Variants in SORCS2 observed in about 807,000 individuals in gnomAD.
SORCS2 encodes the protein VPS10 domain-containing receptor SorCS2.
In SORCS2, 100 loss-of-function variants were observed where a neutral mutation model predicts 141.6. That is an observed-to-expected ratio of 0.71 (90% CI 0.60 to 0.83). SORCS2 has a LOEUF of 0.83. SORCS2 is among the 40% of genes least tolerant of loss of function. The probability of loss-of-function intolerance (pLI) is 0.00; values close to 1 mark genes in which losing one functional copy is unlikely to be tolerated. For synonymous variants in SORCS2, 789 were observed against 676.9 expected (o/e 1.17, Z -2.57); for missense variants, 1,646 against 1,560.2 (o/e 1.05, Z -0.93).
chr4:7,554,444 G>C, intron 3 of SORCS2, among the ~76,000 whole-genome samples: 1 of 152,156 alleles, frequency 6.6e-6, no homozygotes, highest in Non-Finnish European at 1.5e-5. Context: ...TCCTCTCTGT[G>C]CTGACACTCA....
chr4:7,300,665 A>G (rs1717374662), intron 1 of SORCS2, among the ~76,000 whole-genome samples: 1 of 152,220 alleles, frequency 6.6e-6, no homozygotes, highest in African/African-American at 2.4e-5. Context: ...AGAACTTGCC[A>G]GTCTGTGAAT....
chr4:7,486,590 G>C (rs1429541222), intron 2 of SORCS2, among the ~76,000 whole-genome samples: 1 of 152,214 alleles, frequency 6.6e-6, no homozygotes, highest in East Asian at 1.9e-4. Context: ...TGCCAGAACA[G>C]ATGACCCCAG....
chr4:7,208,810 C>T (rs909645690), intron 1 of SORCS2, among the ~76,000 whole-genome samples: 4 of 152,228 alleles, frequency 2.6e-5, no homozygotes, highest in South Asian at 2.1e-4. Context: ...GGCCCTGGTC[C>T]GAGTCTTCTG....
intron 17 of SORCS2, among the ~76,000 whole-genome samples, chr4:7,717,166 C>A (rs931182268): frequency 6.6e-6 from 1 of 152,198 alleles, no homozygotes; most frequent in Non-Finnish European, 1.5e-5. Context: ...TCTCTCCAGC[C>A]TCGTGCCACA....
chr4:7,707,453 G>A (rs1725541993), intron 14 of SORCS2, among the ~76,000 whole-genome samples: 1 of 152,246 alleles, frequency 6.6e-6, no homozygotes, highest in South Asian at 2.1e-4. Context: ...CACAAGGACA[G>A]GGAAGAAGTG....
intron 20 of SORCS2, among the ~76,000 whole-genome samples, 189 bp from the exon 21 acceptor site, chr4:7,726,591 A>T (rs562691503): frequency 3.3e-5 from 5 of 152,024 alleles, no homozygotes; most frequent in African/African-American, 4.8e-5. Context: ...AATAAAATAA[A>T]ATAAAGAACC....
At chr4:7,659,170 TAG>T (rs1323414624) in intron 5 of SORCS2, among the ~76,000 whole-genome samples, 1 of 151,208 alleles carries the variant, frequency 6.6e-6, no homozygotes, top group Non-Finnish European at 1.5e-5. Context: ...AAGTGGCAGG[TAG>T]ATGACAGTTC....
chr4:7,484,974 C>CTGCTGCCCA (rs77843028), intron 2 of SORCS2, among the ~76,000 whole-genome samples: 148,450 of 152,244 alleles, frequency 0.98, 72,460 homozygotes, highest in East Asian at 1. Flanking sequence ...CCTGCTGTCC[C>CTGCTGCCCA]GGCCCTCCCC....
intron 1 of SORCS2, among the ~76,000 whole-genome samples, chr4:7,340,438 C>T (rs1232855499): frequency 1.3e-5 from 2 of 152,218 alleles, no homozygotes; most frequent in Non-Finnish European, 2.9e-5. Flanking sequence ...CGTGTCCTGG[C>T]GTTTTGTGGA....
At chr4:7,370,167 C>T (rs1224039649) in intron 1 of SORCS2, among the ~76,000 whole-genome samples, 1 of 152,170 alleles carries the variant, frequency 6.6e-6, no homozygotes, top group African/African-American at 2.4e-5. Context: ...TGGGCTCTTC[C>T]TGGGGGAGAC....
chr4:7,410,796 T>A (rs997911782), intron 2 of SORCS2, among the ~76,000 whole-genome samples: 1 of 151,000 alleles, frequency 6.6e-6, no homozygotes, highest in Non-Finnish European at 1.5e-5. Context: ...TAATTCACTG[T>A]GAATCAATGA....
chr4:7,214,204 T>C (rs914784534), intron 1 of SORCS2, among the ~76,000 whole-genome samples: 12 of 152,172 alleles, frequency 7.9e-5, no homozygotes, highest in African/African-American at 2.9e-4. Context: ...TGCTGAAATT[T>C]AATTGGCAAT....
chr4:7,361,490 C>T (rs1721575038), intron 1 of SORCS2, among the ~76,000 whole-genome samples: 1 of 152,204 alleles, frequency 6.6e-6, no homozygotes, highest in East Asian at 1.9e-4. Flanking sequence ...GAGAGAGGAT[C>T]TGGGCTTCTC....
chr4:7,698,818 T>G (rs1724868859), intron 12 of SORCS2, among the ~76,000 whole-genome samples: 1 of 149,664 alleles, frequency 6.7e-6, no homozygotes, highest in Non-Finnish European at 1.5e-5. Context: ...GGCAGGCCTG[T>G]GCGTGTGGCA....
chr4:7,408,255 C>G (rs767120399), intron 2 of SORCS2, among the ~76,000 whole-genome samples: 9 of 152,032 alleles, frequency 5.9e-5, no homozygotes, highest in Non-Finnish European at 1.0e-4. Context: ...TGGAAAAACT[C>G]CCTTTAACCT....
intron 2 of SORCS2, among the ~76,000 whole-genome samples, chr4:7,401,207 A>G (rs1006115356): frequency 6.6e-6 from 1 of 151,934 alleles, no homozygotes; most frequent in African/African-American, 2.4e-5. Context: ...GGATATATGG[A>G]TGGATGGGTG....
At chr4:7,593,644 G>C (rs1332624454) in intron 3 of SORCS2, among the ~76,000 whole-genome samples, 1 of 152,062 alleles carries the variant, frequency 6.6e-6, no homozygotes, top group Non-Finnish European at 1.5e-5. Context: ...GCCGAAACCT[G>C]GCCAACCTGG....
At chr4:7,450,024 G>A (rs1020149545) in intron 2 of SORCS2, among the ~76,000 whole-genome samples, 1 of 152,332 alleles carries the variant, frequency 6.6e-6, no homozygotes, top group African/African-American at 2.4e-5. Context: ...GTGGGGCTGG[G>A]CGTTTTCCTG....
chr4:7,232,068 C>T (rs1304196692), intron 1 of SORCS2, among the ~76,000 whole-genome samples: 2 of 152,210 alleles, frequency 1.3e-5, no homozygotes, highest in Non-Finnish European at 2.9e-5. Flanking sequence ...GCTGAGATGA[C>T]GGAGTTGCGG....
Sources: gnomAD v4.1 joint callset for allele counts (sites outside exome capture counted in the v4.1 genomes callset) on GRCh38, gnomAD v4.1.1 for gene constraint, MANE v1.5 for transcripts, NCBI Gene and HGNC (gene_info 2026-07-23, HGNC 2026-07-21) for gene names.